The following HMGN5 variants were observed in gnomAD, a reference collection of about 807,000 sequenced individuals.
HMGN5 encodes the protein high mobility group nucleosome binding domain 5.
A neutral mutation model predicts 9.5 loss-of-function variants in HMGN5; 4 were observed. The observed-to-expected ratio is 0.42, with a 90% confidence interval of 0.21 to 0.96. The LOEUF (loss-of-function observed/expected upper bound fraction) is 0.96, where lower values mean the gene tolerates loss of function less well. HMGN5 is among the 40% of genes least tolerant of loss of function. The pLI, the probability that HMGN5 is intolerant of heterozygous loss-of-function variation, is 0.30. For missense variants in HMGN5, 192 were observed against 187.5 expected (o/e 1.02, Z -0.14); for synonymous variants, 55 against 57.1 (o/e 0.96, Z 0.16).
rs2075265451 is a variant in HMGN5 at position 81,120,390 on chromosome X, C to A, written c.16-573G>T. ...CCCGCCACTACCTGCTTTAAGGTTG[C>A]TGTCAGCTCTGGAAAACAGCAAGAC... On this transcript the variant is annotated intron_variant, in intron 2 of 6. Coordinates refer to ENST00000358130, the MANE Select transcript of HMGN5 (RefSeq NM_030763.3). 2.7e-5 allele frequency among the ~76,000 whole-genome samples: 3 copies of A among 111,451 alleles called. No homozygotes were observed. The South Asian group carries it at 1.1e-3, about 43-fold the overall frequency.
chrX:81,169,028 T>G (rs2075418467), intron 1 of HMGN5, among the ~76,000 whole-genome samples: 1 of 111,707 alleles, frequency 9.0e-6, no homozygotes, highest in Admixed American at 9.5e-5. Flanking sequence ...GACAGTGGTC[T>G]TTGAACATAG....
chrX:81,177,760 C>T (rs2075447648), intron 1 of HMGN5, among the ~76,000 whole-genome samples: 1 of 111,711 alleles, frequency 9.0e-6, no homozygotes, highest in Non-Finnish European at 1.9e-5. Context: ...ACATAATATA[C>T]ATTTTTCTCA....
chrX:81,122,260 C>T (rs1436901056), intron 1 of HMGN5, among the ~76,000 whole-genome samples: 3 of 111,881 alleles, frequency 2.7e-5, no homozygotes, highest in Non-Finnish European at 5.6e-5. Context: ...TGTAGAGTAG[C>T]GACAAAACCG....
chrX:81,174,859 TA>T (rs1236548621), intron 1 of HMGN5, among the ~76,000 whole-genome samples: 1 of 111,618 alleles, frequency 9.0e-6, no homozygotes, highest in Non-Finnish European at 1.9e-5. Flanking sequence ...TTATCTGCTT[TA>T]TAGTATATGT....
At chrX:81,146,948 G>A (rs1602566021) in intron 1 of HMGN5, among the ~76,000 whole-genome samples, 1 of 111,685 alleles carries the variant, frequency 9.0e-6, no homozygotes, top group South Asian at 3.7e-4. Context: ...ACTAAACCAG[G>A]AAGAAGTCAA....
rs189188790 is a variant in HMGN5, at chrX:81,198,631, C to T, written c.-124+3106G>A. Among the ~76,000 whole-genome samples the T allele has an allele frequency of 2.1e-3, 231 of 111,681 alleles. 1 individual carries two copies. Among genetic ancestry groups the T allele is most frequent in the African/African-American group, 6.9e-3 (212 of 30,736 alleles). Reference sequence around the variant, plus strand: ...AACAGAACTAATGACAAAAACCACACGATTATCTCAATAGATGCAGAAAAG... The same window carrying T: ...AACAGAACTAATGACAAAAACCACATGATTATCTCAATAGATGCAGAAAAG... On this transcript the variant is annotated intron_variant, in intron 1 of 6. Transcript: ENST00000358130.
chrX:81,155,102 T>TATATATATATATATAC (rs1407923805), intron 1 of HMGN5, among the ~76,000 whole-genome samples: 76 of 91,026 alleles, frequency 8.3e-4, no homozygotes, highest in African/African-American at 2.9e-3. Flanking sequence ...TATATATATA[T>TATATATATATATATAC]ACACACACAC....
At chrX:81,123,036 A>C (rs1194817932) in intron 1 of HMGN5, among the ~76,000 whole-genome samples, 1 of 111,375 alleles carries the variant, frequency 9.0e-6, no homozygotes, top group Non-Finnish European at 1.9e-5. Context: ...CAGTTACTTT[A>C]GGAAGAATTC....
chrX:81,115,333 T>C (rs2075250306), intron 6 of HMGN5, 103 bp from the exon 7 acceptor site: 2 of 870,446 alleles, frequency 2.3e-6, no homozygotes, highest in Non-Finnish European at 2.9e-6. Context: ...GAAAGACTAA[T>C]ACTTCATTTA....
At chrX:81,173,941 T>A (rs1924019499) in intron 1 of HMGN5, among the ~76,000 whole-genome samples, 2 of 111,557 alleles carry the variant, frequency 1.8e-5, no homozygotes, top group Non-Finnish European at 3.8e-5. Context: ...CTTAGATTTG[T>A]TTGTCTTTAT....
At chrX:81,179,395 T>G (rs764485634) in intron 1 of HMGN5, among the ~76,000 whole-genome samples, 2 of 111,347 alleles carry the variant, frequency 1.8e-5, no homozygotes, top group African/African-American at 6.5e-5. Context: ...ACAAGCATTC[T>G]TATACACCAA....
chrX:81,170,035 C>G (rs2075421272), intron 1 of HMGN5, among the ~76,000 whole-genome samples: 1 of 85,723 alleles, frequency 1.2e-5, no homozygotes, highest in Non-Finnish European at 2.2e-5. Context: ...ACCTGGGAGA[C>G]AGAGTGAGAC....
chrX:81,193,075 G>A (rs1416301922), intron 1 of HMGN5, among the ~76,000 whole-genome samples: 1 of 111,440 alleles, frequency 9.0e-6, no homozygotes, highest in Admixed American at 9.6e-5. Context: ...TTTTGCTTTT[G>A]GAGCCTATCC....
intron 1 of HMGN5, among the ~76,000 whole-genome samples, chrX:81,147,491 A>G (rs990789240): frequency 1.8e-5 from 2 of 111,737 alleles, no homozygotes; most frequent in Non-Finnish European, 3.8e-5. Flanking sequence ...TAAAAATAAT[A>G]AGATCTATTT....
chrX:81,174,355 G>A (rs1034300839), intron 1 of HMGN5, among the ~76,000 whole-genome samples: 4 of 111,262 alleles, frequency 3.6e-5, no homozygotes, highest in African/African-American at 6.5e-5. Flanking sequence ...GTAAATAGGC[G>A]TTTAAAGATG....
rs192181847 is a variant in HMGN5, at chrX:81,190,172, A to C, written c.-124+11565T>G. Reference sequence around the variant, plus strand: ...ATATTTTGTATATTTTGTTATTTGTATATTTTGTAAAACTGTCCCTTATCG... The same window carrying C: ...ATATTTTGTATATTTTGTTATTTGTCTATTTTGTAAAACTGTCCCTTATCG... On this transcript the variant is annotated intron_variant, in intron 1 of 6. Coordinates refer to ENST00000358130, the MANE Select transcript of HMGN5 (RefSeq NM_030763.3). Among the ~76,000 whole-genome samples, 369 of 111,525 alleles carry C rather than the reference A, an allele frequency of 3.3e-3. 2 individuals carry two copies. The highest frequency in any genetic ancestry group is 0.011 in the African/African-American group (353 of 30,773).
intron 1 of HMGN5, among the ~76,000 whole-genome samples, chrX:81,127,366 G>A (rs1159319286): frequency 2.7e-5 from 3 of 111,560 alleles, no homozygotes; most frequent in South Asian, 7.5e-4. Flanking sequence ...ACTAGTGAGG[G>A]TTGATTAGAA....
At chrX:81,177,801 C>A (rs2075447828) in intron 1 of HMGN5, among the ~76,000 whole-genome samples, 1 of 111,371 alleles carries the variant, frequency 9.0e-6, no homozygotes, top group Non-Finnish European at 1.9e-5. Flanking sequence ...CAAAATTGAC[C>A]ACATAATTGG....
intron 1 of HMGN5, among the ~76,000 whole-genome samples, chrX:81,130,394 A>G (rs748578231): frequency 8.9e-6 from 1 of 111,861 alleles, no homozygotes; most frequent in African/African-American, 3.2e-5. Flanking sequence ...GGTCCTCAGT[A>G]TACAGATGAT....
Sources: allele counts gnomAD v4.1 joint callset (sites outside exome capture counted in the v4.1 genomes callset), GRCh38; gene constraint gnomAD v4.1.1; transcripts MANE v1.5; gene names NCBI Gene and HGNC (gene_info 2026-07-23, HGNC 2026-07-21).